The following CFAP47 variants were observed in gnomAD, a reference collection of about 807,000 sequenced individuals.
CFAP47 encodes the protein cilia- and flagella-associated protein 47.
CFAP47 carries 29 observed loss-of-function variants against 148.1 expected under a neutral mutation model. The observed-to-expected ratio is 0.20, with a 90% CI of 0.15 to 0.27. The LOEUF (loss-of-function observed/expected upper bound fraction) is 0.27. CFAP47 is among the 10% of genes least tolerant of loss of function. The probability of loss-of-function intolerance (pLI) is 1.00; values close to 1 mark genes in which losing one functional copy is unlikely to be tolerated. For synonymous variants in CFAP47, 664 were observed against 577.3 expected (o/e 1.15, Z -2.15); for missense variants, 1,872 against 1,697.5 (o/e 1.10, Z -1.81).
intron 50 of CFAP47, among the ~76,000 whole-genome samples, chrX:36,281,666 T>C (rs1556003621): frequency 2.7e-5 from 3 of 112,648 alleles, no homozygotes; most frequent in Admixed American, 9.4e-5. Flanking sequence ...TTAATCACAT[T>C]TCTAAAATAG....
chrX:36,055,876 A>G (rs1226902211), intron 26 of CFAP47, among the ~76,000 whole-genome samples: 1 of 110,919 alleles, frequency 9.0e-6, no homozygotes, highest in Non-Finnish European at 1.9e-5. Context: ...ATGGTATCTC[A>G]TTGCAGTTTT....
At position 35,966,681 on chromosome X, in the gene CFAP47, C is replaced by G. The variant is rs751751608; in HGVS notation, c.1527C>G (p.Phe509Leu). 5 of 1,177,657 alleles carry G rather than the reference C, an allele frequency of 4.2e-6. No individual in the cohort carries two copies. The highest frequency in any genetic ancestry group is 5.7e-6 in the Non-Finnish European group (5 of 877,562). Residue 509 changes from phenylalanine (F) to leucine (L), a missense_variant, in exon 9 of 64, where the codon TTC (phenylalanine) becomes TTG (leucine). Coordinates refer to ENST00000378653, the MANE Select transcript of CFAP47 (RefSeq NM_001304548.2). ...EDLQSLSVKS[F>L]HHVYLAFNSI... The stretch of plus-strand genomic sequence containing the variant: ...TGCAATCTTTGTCGGTAAAATCTTT[C>G]CATCACGTATATTTAGCTTTCAACA...
intron 60 of CFAP47, among the ~76,000 whole-genome samples, 165 bp from the exon 61 acceptor site, chrX:36,361,165 T>C (rs1231948886): frequency 1.8e-5 from 2 of 111,660 alleles, no homozygotes; most frequent in African/African-American, 6.5e-5. Context: ...CTGAGTATCA[T>C]TATATGCCTG....
At chrX:36,374,490 G>A (rs1942003170) in intron 62 of CFAP47, among the ~76,000 whole-genome samples, 1 of 110,102 alleles carries the variant, frequency 9.1e-6, no homozygotes, top group African/African-American at 3.3e-5. Context: ...AATACTCTTT[G>A]TTTTGTCAAA....
intron 49 of CFAP47, among the ~76,000 whole-genome samples, chrX:36,265,264 T>C (rs1297480395): frequency 8.9e-6 from 1 of 112,379 alleles, no homozygotes; most frequent in Non-Finnish European, 1.9e-5. Flanking sequence ...TTTTGTATCC[T>C]GAAAATTTAC....
At chrX:36,192,750 T>C (rs183755580) in intron 42 of CFAP47, among the ~76,000 whole-genome samples, 1 of 111,984 alleles carries the variant, frequency 8.9e-6, no homozygotes, top group East Asian at 2.8e-4. Flanking sequence ...GTTCTCTGTC[T>C]ACAAACCTTG....
intron 57 of CFAP47, among the ~76,000 whole-genome samples, chrX:36,327,968 G>T (rs1456847585): frequency 9.0e-6 from 1 of 110,913 alleles, no homozygotes; most frequent in Non-Finnish European, 1.9e-5. Context: ...AGGGAAGGGG[G>T]ATTGAGTTGA....
intron 39 of CFAP47, among the ~76,000 whole-genome samples, chrX:36,170,206 G>A (rs1939550283): frequency 8.9e-6 from 1 of 111,770 alleles, no homozygotes; most frequent in South Asian, 3.7e-4. Context: ...ATTTACCAGT[G>A]TTCTGAAAAA....
Position 36,302,141 on chromosome X carries a change from C to CA in CFAP47, c.7970+968dup, listed in dbSNP as rs1216595922. Reference sequence around the variant, plus strand: ...GGTAATATACGAAGCAGATGCTTACCAAAAAATGATGGGAAATCTGTCATG... The same window carrying CA: ...GGTAATATACGAAGCAGATGCTTACCAAAAAAATGATGGGAAATCTGTCATG... On this transcript the variant is annotated intron_variant, in intron 53 of 63. Coordinates refer to ENST00000378653, the MANE Select transcript of CFAP47 (RefSeq NM_001304548.2). 1.1e-4 allele frequency among the ~76,000 whole-genome samples: 12 copies of CA among 109,107 alleles called. No individual in the cohort carries two copies. The East Asian group carries it at 3.5e-3, about 31-fold the overall frequency. 94.7% of individuals were successfully genotyped at this position (109,107 alleles called of 115,157 possible).
At chrX:35,978,678 G>T (rs944945163) in intron 15 of CFAP47, among the ~76,000 whole-genome samples, 2 of 111,443 alleles carry the variant, frequency 1.8e-5, no homozygotes. Context: ...ATACAGTTTT[G>T]CTTATGTTCC....
chrX:36,245,454 T>A (rs1366627595), intron 48 of CFAP47, among the ~76,000 whole-genome samples: 1 of 112,031 alleles, frequency 8.9e-6, no homozygotes, highest in Non-Finnish European at 1.9e-5. Context: ...GACTGCCAAA[T>A]GGCTCCAAGA....
At chrX:36,143,923 C>T (rs1427444794) in intron 35 of CFAP47, among the ~76,000 whole-genome samples, 1 of 111,163 alleles carries the variant, frequency 9.0e-6, no homozygotes, top group Non-Finnish European at 1.9e-5. Context: ...AATCAAGTCC[C>T]TCACCCTGCC....
chrX:36,126,091 T>A (rs1446079847), intron 33 of CFAP47, among the ~76,000 whole-genome samples: 1 of 108,548 alleles, frequency 9.2e-6, no homozygotes, highest in African/African-American at 3.4e-5. Context: ...ATTATTATTA[T>A]TATTATTTTA....
chrX:36,328,751 A>G (rs1368758680), intron 57 of CFAP47, among the ~76,000 whole-genome samples: 1 of 101,764 alleles, frequency 9.8e-6, no homozygotes, highest in East Asian at 3.3e-4. Flanking sequence ...CGGAGCTTGC[A>G]GTGAGCAGAG....
intron 21 of CFAP47, among the ~76,000 whole-genome samples, chrX:36,008,876 G>A (rs1223576287): frequency 8.9e-6 from 1 of 111,808 alleles, no homozygotes; most frequent in African/African-American, 3.3e-5. Flanking sequence ...AATCTCTGGT[G>A]AGTGGTCTCT....
At chrX:36,370,344 TG>T (rs1285101603) in intron 62 of CFAP47, among the ~76,000 whole-genome samples, 4 of 100,216 alleles carry the variant, frequency 4.0e-5, no homozygotes, top group Non-Finnish European at 7.9e-5. Context: ...AGTGAGAACA[TG>T]AGATGTTTGG....
At chrX:36,174,325 G>T (rs1186132662) in intron 39 of CFAP47, among the ~76,000 whole-genome samples, 1 of 110,175 alleles carries the variant, frequency 9.1e-6, no homozygotes, top group Non-Finnish European at 1.9e-5. Context: ...TGTTATGTGT[G>T]AATTTGATCC....
At chrX:36,013,959 A>G (rs970545479) in intron 21 of CFAP47, among the ~76,000 whole-genome samples, 5 of 112,243 alleles carry the variant, frequency 4.5e-5, no homozygotes, top group African/African-American at 6.5e-5. Context: ...TTGGGTAAAC[A>G]CCTAAATTTG....
intron 51 of CFAP47, among the ~76,000 whole-genome samples, chrX:36,295,817 T>C (rs1941237030): frequency 8.9e-6 from 1 of 112,077 alleles, no homozygotes; most frequent in Non-Finnish European, 1.9e-5. Context: ...GAAAATAATA[T>C]CCAAACAATA....
Sources: gnomAD v4.1 joint callset for allele counts (sites outside exome capture counted in the v4.1 genomes callset) on GRCh38, gnomAD v4.1.1 for gene constraint, MANE v1.5 for transcripts, NCBI Gene and HGNC (gene_info 2026-07-23, HGNC 2026-07-21) for gene names.